The following CADM2 variants were observed in gnomAD, a reference collection of about 807,000 sequenced individuals.
CADM2 encodes cell adhesion molecule 2, also known as immunoglobulin superfamily member 4D.
CADM2 carries 12 observed loss-of-function variants against 49.8 expected under a neutral mutation model. The ratio of observed to expected loss-of-function variants is 0.24; its 90% CI spans 0.15 to 0.39. The LOEUF (loss-of-function observed/expected upper bound fraction) is 0.39. CADM2 is among the 10% of genes least tolerant of loss of function. CADM2 has a pLI of 1.00. For synonymous variants in CADM2, 214 were observed against 175.4 expected (o/e 1.22, Z -1.74); for missense variants, 378 against 492.3 (o/e 0.77, Z 2.20).
At position 85,446,872 on chromosome 3, in the gene CADM2, G is replaced by A. The variant is rs534541892; in HGVS notation, c.62-279650G>A. ...CCACCCTGGCCTCCCTATGTGCTGG[G>A]ATTACAGGCATGAGCCACTGCACCT... On this transcript the variant is annotated intron_variant, in intron 1 of 9. Coordinates refer to ENST00000383699, the MANE Select transcript of CADM2 (RefSeq NM_001167675.2). Among the ~76,000 whole-genome samples, 5 of 149,660 alleles carry A rather than the reference G, an allele frequency of 3.3e-5. No homozygotes were observed. In the South Asian group the frequency reaches 1.1e-3, roughly 32 times the overall value.
intron 3 of CADM2, among the ~76,000 whole-genome samples, chr3:85,810,103 T>C (rs1017539686): frequency 6.6e-6 from 1 of 152,078 alleles, no homozygotes; most frequent in Non-Finnish European, 1.5e-5. Context: ...AACATCCTAC[T>C]TTGGTGTCTG....
intron 1 of CADM2, among the ~76,000 whole-genome samples, chr3:85,383,110 G>A (rs1255226325): frequency 6.6e-6 from 1 of 152,064 alleles, no homozygotes; most frequent in African/African-American, 2.4e-5. Context: ...TTCAAATAAG[G>A]CAACCTCCAA....
chr3:85,905,725 AC>A (rs1407792282), intron 5 of CADM2, among the ~76,000 whole-genome samples: 2 of 152,200 alleles, frequency 1.3e-5, no homozygotes, highest in South Asian at 4.1e-4. Context: ...TTTTATGAAT[AC>A]ATAATTTATA....
At position 85,097,182 on chromosome 3, in the gene CADM2, A is replaced by G. The variant is rs561738583; in HGVS notation, c.61+137514A>G. 7.8e-4 allele frequency among the ~76,000 whole-genome samples: 118 copies of G among 152,172 alleles called. 3 individuals carry two copies. In the South Asian group the frequency reaches 0.023, roughly 30 times the overall value. On this transcript the variant is annotated intron_variant, in intron 1 of 9. Transcript: ENST00000383699. ...ACCCCACAACAGTCTGCGGAGTGTG[A>G]TGTTCCCTTTCCTGTGTCCATGTGT...
At chr3:85,439,590 A>G (rs1865252) in intron 1 of CADM2, among the ~76,000 whole-genome samples, 85,997 of 151,944 alleles carry the variant, frequency 0.57, 25,333 homozygotes, top group East Asian at 0.83. Flanking sequence ...GCAGTAAGTC[A>G]GTATGTTTTA....
At chr3:85,668,295 C>CAAAAAAAAAAAA (rs11447925) in intron 1 of CADM2, among the ~76,000 whole-genome samples, 2 of 81,736 alleles carry the variant, frequency 2.4e-5, no homozygotes, top group Non-Finnish European at 5.0e-5. Flanking sequence ...AGTACCAAAG[C>CAAAAAAAAAAAA]AAAAAAAAAA....
At chr3:85,621,209 A>G (rs1215176300) in intron 1 of CADM2, among the ~76,000 whole-genome samples, 2 of 151,976 alleles carry the variant, frequency 1.3e-5, no homozygotes, top group African/African-American at 4.8e-5. Flanking sequence ...ATGATCAGAA[A>G]CTATGTCTTA....
chr3:85,544,612 A>G (rs1253498054), intron 1 of CADM2, among the ~76,000 whole-genome samples: 1 of 152,022 alleles, frequency 6.6e-6, no homozygotes, highest in Non-Finnish European at 1.5e-5. Flanking sequence ...AAAGAGGAAA[A>G]CATTGCATGT....
chr3:85,407,710 C>T (rs998034343), intron 1 of CADM2, among the ~76,000 whole-genome samples: 2 of 152,066 alleles, frequency 1.3e-5, no homozygotes, highest in African/African-American at 4.8e-5. Flanking sequence ...AGGCTGGGAG[C>T]AGGGGCTCAC....
At chr3:86,025,822 A>T (rs1733846428) in intron 8 of CADM2, among the ~76,000 whole-genome samples, 1 of 152,126 alleles carries the variant, frequency 6.6e-6, no homozygotes, top group Admixed American at 6.6e-5. Context: ...ACTAAACATC[A>T]GGAGTACAGA....
intron 1 of CADM2, among the ~76,000 whole-genome samples, chr3:84,961,220 C>A (rs1206180425): frequency 6.6e-6 from 1 of 152,106 alleles, no homozygotes; most frequent in Non-Finnish European, 1.5e-5. Context: ...TGGAATGCAT[C>A]CTCTCTCCTG....
intron 1 of CADM2, among the ~76,000 whole-genome samples, chr3:85,129,509 T>C (rs542561262): frequency 6.6e-6 from 1 of 152,294 alleles, no homozygotes; most frequent in Non-Finnish European, 1.5e-5. Flanking sequence ...CACATTAGAG[T>C]AGTAGTTTGA....
intron 8 of CADM2, among the ~76,000 whole-genome samples, chr3:86,051,442 C>T (rs541798189): frequency 1.3e-5 from 2 of 152,270 alleles, no homozygotes; most frequent in South Asian, 4.2e-4. Flanking sequence ...CTGAGCCCTC[C>T]AAACTTTTTC....
At chr3:85,455,903 T>C (rs1009345278) in intron 1 of CADM2, among the ~76,000 whole-genome samples, 1 of 152,206 alleles carries the variant, frequency 6.6e-6, no homozygotes. Flanking sequence ...TTCTGCTTCA[T>C]GATGACAAAG....
At chr3:85,504,769 GA>G (rs886856010) in intron 1 of CADM2, among the ~76,000 whole-genome samples, 9 of 152,214 alleles carry the variant, frequency 5.9e-5, no homozygotes, top group Non-Finnish European at 1.2e-4. Context: ...GGAGCCCACG[GA>G]GGGGGTGGGA....
chr3:85,729,580 A>G (rs952342940), intron 2 of CADM2, among the ~76,000 whole-genome samples: 1 of 152,186 alleles, frequency 6.6e-6, no homozygotes, highest in Non-Finnish European at 1.5e-5. Context: ...TAAATTTTGT[A>G]TGTAGATTTA....
intron 1 of CADM2, among the ~76,000 whole-genome samples, chr3:85,292,916 A>C (rs921348935): frequency 3.2e-4 from 48 of 152,084 alleles, no homozygotes; most frequent in Non-Finnish European, 5.4e-4. Context: ...AAAAGCTAGC[A>C]GAAGGCAAGA....
intron 5 of CADM2, among the ~76,000 whole-genome samples, chr3:85,891,970 G>A (rs539845886): frequency 6.6e-6 from 1 of 152,298 alleles, no homozygotes; most frequent in East Asian, 1.9e-4. Context: ...TAAACTTACA[G>A]TAATGTGTTA....
At chr3:85,851,612 A>C (rs1324244694) in intron 3 of CADM2, among the ~76,000 whole-genome samples, 2 of 149,918 alleles carry the variant, frequency 1.3e-5, no homozygotes, top group Non-Finnish European at 3.0e-5. Flanking sequence ...TACTGAAATC[A>C]GTTTTCTACT....
Sources: gnomAD v4.1 joint callset for allele counts (sites outside exome capture counted in the v4.1 genomes callset) on GRCh38, gnomAD v4.1.1 for gene constraint, MANE v1.5 for transcripts, NCBI Gene and HGNC (gene_info 2026-07-23, HGNC 2026-07-21) for gene names.